Variants in TCEANC2 observed in about 807,000 individuals in gnomAD.
TCEANC2 encodes the protein transcription elongation factor A N-terminal and central domain-containing protein 2.
A neutral mutation model predicts 22.8 loss-of-function variants in TCEANC2; 20 were observed. The ratio of observed to expected loss-of-function variants is 0.88; its 90% CI spans 0.62 to 1.28. The LOEUF is 1.28. Among genes scored for constraint, TCEANC2 ranks in the 50% most tolerant of loss-of-function variants. The pLI is 0.00. For synonymous variants in TCEANC2, 84 were observed against 95.5 expected, an observed-to-expected ratio of 0.88 and a Z score of 0.70; for missense variants, 251 against 249.7, an observed-to-expected ratio of 1.01 and a Z score of -0.03.
At chr1:54,062,209 A>T (rs1657870610) in intron 2 of TCEANC2, among the ~76,000 whole-genome samples, 1 of 152,216 alleles carries the variant, frequency 6.6e-6, no homozygotes, top group African/African-American at 2.4e-5. Flanking sequence ...AGCAATCCAC[A>T]ACTGTAAAAC....
At chr1:54,081,684 CT>C (rs1658248532) in intron 3 of TCEANC2, among the ~76,000 whole-genome samples, 1 of 151,570 alleles carries the variant, frequency 6.6e-6, no homozygotes, top group Non-Finnish European at 1.5e-5. Context: ...TGTTAGTCCT[CT>C]TTGGAAATTC....
At chr1:54,056,274 C>T (rs1657749938) in intron 2 of TCEANC2, among the ~76,000 whole-genome samples, 1 of 152,130 alleles carries the variant, frequency 6.6e-6, no homozygotes, top group African/African-American at 2.4e-5. Flanking sequence ...ATACACTCAC[C>T]TACACCTACA....
intron 2 of TCEANC2, among the ~76,000 whole-genome samples, chr1:54,067,441 A>G (rs753539762): frequency 2.6e-5 from 4 of 152,248 alleles, no homozygotes; most frequent in Non-Finnish European, 5.9e-5. Flanking sequence ...GAACTGCAAA[A>G]GTAACCTATA....
At chr1:54,089,090 C>T (rs1658394063) in intron 4 of TCEANC2, among the ~76,000 whole-genome samples, 1 of 152,170 alleles carries the variant, frequency 6.6e-6, no homozygotes, top group South Asian at 2.1e-4. Flanking sequence ...AGGCAGATAG[C>T]TTAACGTTTT....
rs1658542794 is a variant in TCEANC2, at chr1:54,096,207, G to A, written c.439-78G>A. ...TCAGTTGATTAATGGAGGCCTCTGA[G>A]CAGAGTGCTCCAGCCTCTCTTGCTT... On this transcript the variant is annotated intron_variant, in intron 4 of 4. Coordinates refer to ENST00000234827, the MANE Select transcript of TCEANC2 (RefSeq NM_153035.3). This position sits in a 1 kb window ranked among gnomAD's most constrained non-coding sequence, Gnocchi z 4.9. 1 of 1,501,554 alleles carries A rather than the reference G, an allele frequency of 6.7e-7. No individual in the cohort carries two copies. The highest frequency in any genetic ancestry group is 1.4e-5 in the South Asian group (1 of 73,546). 93.0% of individuals were successfully genotyped at this position (1,501,554 alleles called of 1,614,324 possible).
rs1484065866 is a variant in TCEANC2, at chr1:54,102,712, A to G, written c.*6239A>G. ...CCTTTGGCTGCCTGGGGAGCTCTTTATAATATCCAGCTGATAGAAGAGAAA... is the reference window on the plus strand; with the variant it reads ...CCTTTGGCTGCCTGGGGAGCTCTTTGTAATATCCAGCTGATAGAAGAGAAA... On this transcript the variant is annotated 3_prime_UTR_variant, in exon 5 of 5. Transcript: ENST00000234827. The G allele has an allele frequency of 6.6e-6, 1 of 152,262 alleles. No homozygotes were observed. Among genetic ancestry groups the G allele is most frequent in the Non-Finnish European group, 1.5e-5 (1 of 68,078 alleles). The allele number at this position is 152,262 out of a possible 1,614,324, so 9.4% of individuals were successfully genotyped here. A position where few individuals can be genotyped will look rare whatever the true frequency, so the allele number is the denominator to read the frequency against.
At chr1:54,077,718 T>C (rs1658167863) in intron 3 of TCEANC2, among the ~76,000 whole-genome samples, 2 of 152,156 alleles carry the variant, frequency 1.3e-5, no homozygotes. Flanking sequence ...ATTAGTGGCA[T>C]ACAGCAGGAG....
In TCEANC2 at chr1:54,071,514, C is replaced by G. The variant is rs141538674; in HGVS notation, c.244+2617C>G. On this transcript the variant is annotated intron_variant, in intron 3 of 4. Coordinates refer to ENST00000234827, the MANE Select transcript of TCEANC2 (RefSeq NM_153035.3). ...GCTGACTTTCCCCAGAACAAGTGAT[C>G]CAGGAAAGAACAAGAAAACAAGAGA... 1.6e-4 allele frequency among the ~76,000 whole-genome samples: 25 copies of G among 152,246 alleles called. No homozygotes were observed. In the East Asian group the frequency reaches 4.8e-3, roughly 29 times the overall value.
chr1:54,084,119 T>C (rs1045773060), intron 3 of TCEANC2, among the ~76,000 whole-genome samples: 5 of 152,012 alleles, frequency 3.3e-5, no homozygotes, highest in Non-Finnish European at 7.4e-5. Context: ...TTCAAGCGAT[T>C]CTCATGCCTC....
chr1:54,075,929 C>T (rs919466333), intron 3 of TCEANC2, among the ~76,000 whole-genome samples: 4 of 150,902 alleles, frequency 2.7e-5, no homozygotes, highest in East Asian at 3.9e-4. Context: ...CAGGAGAACC[C>T]GGGAAGCTGA....
At position 54,096,893 on chromosome 1, in the gene TCEANC2, G is replaced by T. The variant is rs1458962461; in HGVS notation, c.*420G>T. On this transcript the variant is annotated 3_prime_UTR_variant, in exon 5 of 5. Coordinates refer to ENST00000234827, the MANE Select transcript of TCEANC2 (RefSeq NM_153035.3). The surrounding 1 kb of genome is among the most constrained non-coding windows in gnomAD (Gnocchi z 4.9). ...GCCGCTCACTCGGTTCCATCCCCCT[G>T]AGTTTAGATAGCTCTGGTGCCTCTC... 1.0e-6 allele frequency: 1 copy of T among 989,500 alleles called. No individual in the cohort carries two copies. The highest frequency in any genetic ancestry group is 1.1e-4 in the East Asian group (1 of 9,040). The allele number at this position is 989,500 out of a possible 1,614,324, so 61.3% of individuals were successfully genotyped here.
chr1:54,069,063 C>T (rs1049211976), intron 3 of TCEANC2, among the ~76,000 whole-genome samples, 166 bp downstream of exon 3: 6 of 152,016 alleles, frequency 3.9e-5, no homozygotes, highest in Non-Finnish European at 8.8e-5. Flanking sequence ...CAGGCCAATA[C>T]CTTGGTAATA....
intron 2 of TCEANC2, among the ~76,000 whole-genome samples, chr1:54,057,737 A>G (rs1657780930): frequency 1.3e-5 from 2 of 152,124 alleles, no homozygotes; most frequent in African/African-American, 2.4e-5. Flanking sequence ...CTCATTACCC[A>G]TCAATAAAGA....
chr1:54,061,553 T>TACATATATTAACATATATTA (rs1657855938), intron 2 of TCEANC2, among the ~76,000 whole-genome samples: 1 of 152,234 alleles, frequency 6.6e-6, no homozygotes, highest in Non-Finnish European at 1.5e-5. Context: ...ACTAATGCTT[T>TACATATATTAACATATATTA]ACATATATTA....
intron 3 of TCEANC2, among the ~76,000 whole-genome samples, chr1:54,084,230 C>T (rs1658296547): frequency 6.6e-6 from 1 of 152,100 alleles, no homozygotes; most frequent in African/African-American, 2.4e-5. Flanking sequence ...CCAGGCTGGT[C>T]TCAAACTCCT....
rs1002607651 is a variant in TCEANC2 at position 54,099,915 on chromosome 1, G to A, written c.*3442G>A. ...AATACCATTTGTGTCTGCTCTAATA[G>A]CTTATTGATGCTTTTCTTGTAGTGG... is the stretch of plus-strand genomic sequence containing the variant. On this transcript the variant is annotated 3_prime_UTR_variant, in exon 5 of 5. Coordinates refer to ENST00000234827, the MANE Select transcript of TCEANC2 (RefSeq NM_153035.3). 13 of 152,256 alleles carry A rather than the reference G, an allele frequency of 8.5e-5. No individual in the cohort carries two copies. The highest frequency in any genetic ancestry group is 2.9e-4 in the African/African-American group (12 of 41,534). 9.4% of individuals were successfully genotyped at this position (152,256 alleles called of 1,614,324 possible).
At chr1:54,078,997 G>A (rs1216723004) in intron 3 of TCEANC2, among the ~76,000 whole-genome samples, 1 of 152,206 alleles carries the variant, frequency 6.6e-6, no homozygotes, top group Non-Finnish European at 1.5e-5. Context: ...AGGCCTCTGT[G>A]AGTGGATACC....
rs954697045 is a variant in TCEANC2 at position 54,100,361 on chromosome 1, G to C, written c.*3888G>C. ...AACAAACAAATATTGCCCATCTTCT[G>C]TGTGCCAAGGACTAGACTGGCACTG... On this transcript the variant is annotated 3_prime_UTR_variant, in exon 5 of 5. Transcript: ENST00000234827. 6.6e-6 allele frequency: 1 copy of C among 152,204 alleles called. No homozygotes were observed. The highest frequency in any genetic ancestry group is 2.4e-5 in the African/African-American group (1 of 41,454). The allele number at this position is 152,204 out of a possible 1,614,324, so 9.4% of individuals were successfully genotyped here. A position where few individuals can be genotyped will look rare whatever the true frequency, so the allele number is the denominator to read the frequency against.
chr1:54,096,547 G>A lies in TCEANC2; in HGVS notation c.*74G>A. The A allele has an allele frequency of 6.6e-7, 1 of 1,515,234 alleles. No individual in the cohort carries two copies. Among genetic ancestry groups the A allele is most frequent in the Non-Finnish European group, 8.9e-7 (1 of 1,126,146 alleles). 93.9% of individuals were successfully genotyped at this position (1,515,234 alleles called of 1,614,324 possible). A position where few individuals can be genotyped will look rare whatever the true frequency, so the allele number is the denominator to read the frequency against. ...GTCTCTGCCGTTCAAAGACGCTTTTGAGTTTGGGTGATGGCTGATGCTGGC... is the reference window on the plus strand; with the variant it reads ...GTCTCTGCCGTTCAAAGACGCTTTTAAGTTTGGGTGATGGCTGATGCTGGC... On this transcript the variant is annotated 3_prime_UTR_variant, in exon 5 of 5. Transcript: ENST00000234827. This position sits in a 1 kb window ranked among gnomAD's most constrained non-coding sequence, Gnocchi z 4.9.
Sources: gnomAD v4.1 joint callset for allele counts (sites outside exome capture counted in the v4.1 genomes callset) on GRCh38, gnomAD v4.1.1 for gene constraint, Gnocchi (gnomAD v3.1) non-coding constraint, MANE v1.5 for transcripts, NCBI Gene and HGNC (gene_info 2026-07-23, HGNC 2026-07-21) for gene names.